The following DST variants were observed in gnomAD, a reference collection of about 807,000 sequenced individuals.
DST encodes the protein dystonin, also known as bullous pemphigoid antigen.
DST carries 253 observed loss-of-function variants against 875.2 expected under a neutral mutation model. That is an observed-to-expected ratio of 0.29 (90% CI 0.26 to 0.32). The LOEUF is 0.32. DST is among the 10% of genes least tolerant of loss of function. The pLI, the probability that DST is intolerant of heterozygous loss-of-function variation, is 1.00. For synonymous variants in DST, 3,124 were observed against 3,197.1 expected (o/e 0.98, Z 0.77); for missense variants, 8,287 against 9,111.6 (o/e 0.91, Z 3.68).
chr6:56,654,742 G>C (rs527881501), intron 10 of DST, among the ~76,000 whole-genome samples: 1 of 151,884 alleles, frequency 6.6e-6, no homozygotes, highest in Non-Finnish European at 1.5e-5. Flanking sequence ...TTGCATGAGA[G>C]ATTTTTTTGG....
intron 4 of DST, among the ~76,000 whole-genome samples, chr6:56,841,830 C>T (rs946816834): frequency 2.0e-5 from 3 of 147,196 alleles, no homozygotes; most frequent in African/African-American, 7.7e-5. Context: ...GTATATTACC[C>T]ACCCACCCAC....
chr6:56,598,427 G>T (rs370804871), intron 46 of DST, 49 bp downstream of exon 46: 2 of 1,117,970 alleles, frequency 1.8e-6, no homozygotes, highest in Non-Finnish European at 2.5e-6. Context: ...TCAAGTAGCT[G>T]TTAAGCTTTT....
At chr6:56,638,963 C>T in intron 22 of DST, 1 of 442,344 alleles carries the variant, frequency 2.3e-6, no homozygotes, top group Non-Finnish European at 4.1e-6. Flanking sequence ...TGCAATGTTA[C>T]ACAATCAGAA....
chr6:56,922,303 T>C (rs1419202989), intron 2 of DST, among the ~76,000 whole-genome samples: 1 of 152,178 alleles, frequency 6.6e-6, no homozygotes, highest in Non-Finnish European at 1.5e-5. Flanking sequence ...CCGCCCTTCG[T>C]TCCCTCCTCA....
intron 2 of DST, among the ~76,000 whole-genome samples, chr6:56,903,143 T>C (rs1794899133): frequency 1.3e-5 from 2 of 152,218 alleles, no homozygotes; most frequent in Admixed American, 6.5e-5. Flanking sequence ...TTTGATGATA[T>C]AGTAGCTTCT....
chr6:56,631,423 C>T (rs1227297388), intron 29 of DST, 34 bp from the exon 30 acceptor site: 2 of 1,588,314 alleles, frequency 1.3e-6, no homozygotes, highest in East Asian at 4.5e-5. Flanking sequence ...GGTATCAGGC[C>T]ATCACCTGTG....
intron 4 of DST, among the ~76,000 whole-genome samples, chr6:56,755,255 G>A (rs185391634): frequency 8.5e-5 from 13 of 152,236 alleles, no homozygotes; most frequent in Non-Finnish European, 1.5e-4. Flanking sequence ...CTGTGGGCAC[G>A]CAGGAGGAGT....
intron 3 of DST, among the ~76,000 whole-genome samples, chr6:56,887,403 A>G (rs940578926): frequency 6.6e-6 from 1 of 152,184 alleles, no homozygotes; most frequent in Non-Finnish European, 1.5e-5. Context: ...TTAAATTCCA[A>G]ACAGAATTCT....
At position 56,606,760 on chromosome 6, in the gene DST, T is replaced by C. The variant is rs1298932548; in HGVS notation, c.7868A>G (p.His2623Arg). The change falls in exon 40 of 104, where the codon CAT becomes CGT. Residue 2623 changes from histidine to arginine, a missense_variant. Physicochemically the swap from His to Arg is conservative, Grantham distance 29 (BLOSUM62 0). Around this residue, in one of 10 missense-constraint regions of DST, gnomAD observed 3,138 missense variants for 3,116.6 expected, o/e 1.01. Coordinates refer to ENST00000680361, the MANE Select transcript of DST (RefSeq NM_001374736.1). The stretch of plus-strand genomic sequence containing the variant: ...ATCACCATCAAGAAGCAAAGAATCA[T>C]GGTCATCATCTTCAAACAAGGGAGT... ...YDTPLFEDDDHDSLLLDGDDR... is the reference protein window; with the variant it reads ...YDTPLFEDDDRDSLLLDGDDR... 1.1e-5 allele frequency: 18 copies of C among 1,613,300 alleles called. No individual in the cohort carries two copies. The highest frequency in any genetic ancestry group is 2.7e-5 in the African/African-American group (2 of 74,890).
intron 79 of DST, 83 bp downstream of exon 79, chr6:56,501,437 C>A: frequency 8.3e-7 from 1 of 1,206,948 alleles, no homozygotes; most frequent in Non-Finnish European, 1.1e-6. Flanking sequence ...AGAAATAATT[C>A]TAATTTTATC....
chr6:56,722,829 T>C (rs2099428004), intron 5 of DST, among the ~76,000 whole-genome samples: 1 of 152,176 alleles, frequency 6.6e-6, no homozygotes, highest in Non-Finnish European at 1.5e-5. Context: ...TAGAAGATAA[T>C]ATAAACATAG....
intron 9 of DST, among the ~76,000 whole-genome samples, chr6:56,696,701 C>T (rs1228379383): frequency 6.6e-6 from 1 of 152,274 alleles, no homozygotes; most frequent in Middle Eastern, 3.4e-3. Context: ...AACTATTGAC[C>T]TCTACTCCAT....
In DST at chr6:56,639,444, A is replaced by C. The variant is rs2098863398; in HGVS notation, c.2859+6T>G. ...CCTAGTATGCAAGTACAAAGGGTGT[A>C]CTTACAGCATGATAATCTTTTTTCC... On this transcript the variant is annotated splice_donor_region_variant and intron_variant, in intron 21 of 103. Transcript: ENST00000680361. 6.2e-7 allele frequency: 1 copy of C among 1,613,770 alleles called. No individual in the cohort carries two copies. Among genetic ancestry groups the C allele is most frequent in the Non-Finnish European group, 8.5e-7 (1 of 1,179,882 alleles).
At chr6:56,706,032 A>G (rs2099331771) in intron 5 of DST, among the ~76,000 whole-genome samples, 1 of 152,242 alleles carries the variant, frequency 6.6e-6, no homozygotes, top group African/African-American at 2.4e-5. Flanking sequence ...TAAATACGCC[A>G]TGCTCAGTGG....
chr6:56,874,300 C>T (rs1778708276), intron 3 of DST, among the ~76,000 whole-genome samples: 1 of 152,142 alleles, frequency 6.6e-6, no homozygotes, highest in Admixed American at 6.5e-5. Flanking sequence ...GAGTGCACCA[C>T]TTCTCTCCTG....
intron 90 of DST, 105 bp from the exon 91 acceptor site, chr6:56,477,593 CA>C (rs1280884163): frequency 2.8e-6 from 4 of 1,423,580 alleles, no homozygotes; most frequent in Non-Finnish European, 2.9e-6. Flanking sequence ...ACAAAAACTT[CA>C]ATTGGTTTAT....
At chr6:56,590,618 A>C (rs1026790864) in intron 49 of DST, among the ~76,000 whole-genome samples, 1 of 151,204 alleles carries the variant, frequency 6.6e-6, no homozygotes, top group Non-Finnish European at 1.5e-5. Flanking sequence ...AAGGAGAAAG[A>C]AAAAAAAACA....
intron 4 of DST, among the ~76,000 whole-genome samples, chr6:56,817,228 C>T (rs1182858174): frequency 1.3e-5 from 2 of 152,108 alleles, no homozygotes; most frequent in Non-Finnish European, 2.9e-5. Context: ...AGTGTCTCTT[C>T]AGGTAACCTT....
At chr6:56,747,983 A>G (rs2099577446) in intron 4 of DST, among the ~76,000 whole-genome samples, 1 of 152,216 alleles carries the variant, frequency 6.6e-6, no homozygotes, top group South Asian at 2.1e-4. Flanking sequence ...TCAGATAAAA[A>G]TAAAATCAAC....
Sources: gnomAD v4.1 joint callset for allele counts (sites outside exome capture counted in the v4.1 genomes callset) on GRCh38, gnomAD v4.1.1 for gene constraint, gnomAD v4.1.1 regional missense constraint, MANE v1.5 for transcripts, NCBI Gene and HGNC (gene_info 2026-07-23, HGNC 2026-07-21) for gene names.